Variants in NUMB observed in about 807,000 individuals in gnomAD.
NUMB encodes the protein NUMB endocytic adaptor protein.
A neutral mutation model predicts 59.7 loss-of-function variants in NUMB; 29 were observed. The ratio of observed to expected loss-of-function variants is 0.49; its 90% confidence interval spans 0.36 to 0.66. The LOEUF is 0.66. Ranked by LOEUF, NUMB falls within the 30% of genes least tolerant of loss-of-function variation. The pLI, the probability that NUMB is intolerant of heterozygous loss-of-function variation, is 0.00. For synonymous variants in NUMB, 288 were observed against 288.2 expected (o/e 1.00, Z 0.01); for missense variants, 723 against 822.0 (o/e 0.88, Z 1.47).
intron 2 of NUMB, among the ~76,000 whole-genome samples, chr14:73,406,021 T>C (rs1566783163): frequency 6.6e-6 from 1 of 151,968 alleles, no homozygotes; most frequent in Non-Finnish European, 1.5e-5. Flanking sequence ...ACTGAATTTA[T>C]ATGGAACCAC....
In NUMB at chr14:73,352,227, T is replaced by C. The variant is rs1321856210; in HGVS notation, c.126+3399A>G. 2.6e-5 allele frequency among the ~76,000 whole-genome samples: 4 copies of C among 151,288 alleles called. No individual in the cohort carries two copies. In the East Asian group the frequency reaches 5.8e-4, roughly 22 times the overall value. The stretch of plus-strand genomic sequence containing the variant: ...TTGTCACCCAGTGCCTACATATACA[T>C]GCTTTCCATAATTTTCTAATGCTCT... On this transcript the variant is annotated intron_variant, in intron 4 of 12. Transcript: ENST00000555238.
At chr14:73,451,956 G>A (rs1884007186) in intron 1 of NUMB, among the ~76,000 whole-genome samples, 2 of 152,084 alleles carry the variant, frequency 1.3e-5, no homozygotes, top group South Asian at 4.1e-4. Flanking sequence ...TTTGATCTTG[G>A]TTAAAAGAAC....
intron 4 of NUMB, among the ~76,000 whole-genome samples, chr14:73,342,203 C>A (rs993061516): frequency 2.0e-5 from 3 of 152,198 alleles, no homozygotes; most frequent in African/African-American, 7.2e-5. Flanking sequence ...GGCCCCATTT[C>A]TTTAAATTTG....
intron 4 of NUMB, among the ~76,000 whole-genome samples, chr14:73,345,322 A>C (rs1189974340): frequency 1.3e-5 from 2 of 152,146 alleles, no homozygotes; most frequent in African/African-American, 4.8e-5. Context: ...AAAGATGGGG[A>C]ACAACAGACT....
At chr14:73,358,496 T>C (rs1893931809) in intron 3 of NUMB, among the ~76,000 whole-genome samples, 1 of 151,970 alleles carries the variant, frequency 6.6e-6, no homozygotes, top group Non-Finnish European at 1.5e-5. Flanking sequence ...CTGTATATGT[T>C]CCTCCCTCTG....
chr14:73,277,419 T>TTTGA (rs1408551870), intron 12 of NUMB, 126 bp from the exon 13 acceptor site: 8 of 777,378 alleles, frequency 1.0e-5, no homozygotes, highest in African/African-American at 3.5e-5. Flanking sequence ...ATTTTGTGGT[T>TTTGA]TTGATAGGTA....
chr14:73,445,381 A>AAAAAAAAAAAAAAAAAAAAAAC (rs1206147366), intron 1 of NUMB, among the ~76,000 whole-genome samples: 2 of 129,790 alleles, frequency 1.5e-5, no homozygotes, highest in Non-Finnish European at 3.3e-5. Flanking sequence ...AAAAAAAAAA[A>AAAAAAAAAAAAAAAAAAAAAAC]AAAAAAAAAA....
At chr14:73,427,681 G>C (rs1202624457) in intron 1 of NUMB, among the ~76,000 whole-genome samples, 3 of 152,092 alleles carry the variant, frequency 2.0e-5, no homozygotes, top group African/African-American at 7.2e-5. Flanking sequence ...GACAACTAAA[G>C]CTGCTGTTAT....
At chr14:73,450,713 T>C (rs1172497285) in intron 1 of NUMB, among the ~76,000 whole-genome samples, 1 of 151,860 alleles carries the variant, frequency 6.6e-6, no homozygotes, top group Non-Finnish European at 1.5e-5. Context: ...CGCTTGAACC[T>C]GATAGGCGGA....
chr14:73,346,263 T>C (rs1594931115), intron 4 of NUMB, among the ~76,000 whole-genome samples: 1 of 152,248 alleles, frequency 6.6e-6, no homozygotes, highest in East Asian at 1.9e-4. Flanking sequence ...GCGGATCACC[T>C]GAGGTCGGGA....
intron 1 of NUMB, among the ~76,000 whole-genome samples, chr14:73,447,711 T>A (rs1883626808): frequency 6.6e-6 from 1 of 150,618 alleles, no homozygotes; most frequent in Non-Finnish European, 1.5e-5. Flanking sequence ...AAGAACAACA[T>A]TTGATGTAAC....
intron 2 of NUMB, among the ~76,000 whole-genome samples, chr14:73,367,571 C>G (rs1311257889): frequency 6.6e-6 from 1 of 151,442 alleles, no homozygotes; most frequent in African/African-American, 2.4e-5. Context: ...CCCAGGGGTT[C>G]AAGACCAAGC....
rs375897614 is a variant in NUMB at position 73,276,662 on chromosome 14, T to G, written c.1872A>C (p.Glu624Asp). 3 of 1,614,220 alleles carry G rather than the reference T, an allele frequency of 1.9e-6. No homozygotes were observed. The highest frequency in any genetic ancestry group is 2.5e-6 in the Non-Finnish European group (3 of 1,180,032). ...DPFEAQWAAL[E>D]NKSKQRTNPS... ...GATTAGTACGCTGCTTGGACTTATT[T>G]TCTAATGCAGCCCACTGGGCTTCAA... Residue 624 changes from glutamate (E) to aspartate (D), a missense_variant, in exon 13 of 13, where the codon GAA becomes GAC. Around this residue, in one of 2 missense-constraint regions of NUMB, gnomAD observed 406 missense variants for 385.4 expected, o/e 1.05. Transcript: ENST00000555238.
chr14:73,447,539 C>G (rs1883606000), intron 1 of NUMB, among the ~76,000 whole-genome samples: 1 of 150,852 alleles, frequency 6.6e-6, no homozygotes, highest in Non-Finnish European at 1.5e-5. Context: ...CAGAAAGATA[C>G]TAAGAAATGA....
intron 1 of NUMB, among the ~76,000 whole-genome samples, chr14:73,418,335 G>A (rs1897214151): frequency 6.6e-6 from 1 of 152,172 alleles, no homozygotes; most frequent in Admixed American, 6.6e-5. Flanking sequence ...GGAGAGGAGT[G>A]GGGTATAGGA....
At chr14:73,287,074 G>C (rs1283836215) in intron 9 of NUMB, 36 bp downstream of exon 9, 1 of 1,587,790 alleles carries the variant, frequency 6.3e-7, no homozygotes, top group Non-Finnish European at 8.6e-7. Flanking sequence ...GGGAAAAACT[G>C]CATTCCATAA....
chr14:73,390,981 C>A (rs987868107), intron 2 of NUMB, among the ~76,000 whole-genome samples: 8 of 151,750 alleles, frequency 5.3e-5, no homozygotes, highest in Non-Finnish European at 1.0e-4. Context: ...TTGATACTTA[C>A]AACAGGTTTT....
Position 73,276,934 on chromosome 14 carries a change from T to C in NUMB, c.1600A>G (p.Met534Val). The change falls in exon 13 of 13, where the codon ATG becomes GTG. Residue 534 changes from methionine (M) to valine (V), a missense_variant. Physicochemically the swap from Met to Val is conservative, Grantham distance 21. Around this residue, in one of 2 missense-constraint regions of NUMB, gnomAD observed 406 missense variants for 385.4 expected, o/e 1.05. Transcript: ENST00000555238. ...GCAGTGCCAAATACGTTGGCCACCA[T>C]CTGGGAGGGAGTGATGCCCACCACA... is the stretch of plus-strand genomic sequence containing the variant. ...VPVVGITPSQ[M>V]VANVFGTAGH... The C allele has an allele frequency of 6.2e-7, 1 of 1,614,130 alleles. No individual in the cohort carries two copies. The highest frequency in any genetic ancestry group is 8.5e-7 in the Non-Finnish European group (1 of 1,180,016).
intron 1 of NUMB, among the ~76,000 whole-genome samples, chr14:73,413,331 C>T (rs1206501119): frequency 2.6e-5 from 4 of 151,290 alleles, no homozygotes; most frequent in African/African-American, 4.8e-5. Flanking sequence ...GTGATCCACC[C>T]GCCTCGGCCT....
Sources: allele counts gnomAD v4.1 joint callset (sites outside exome capture counted in the v4.1 genomes callset), GRCh38; gene constraint gnomAD v4.1.1; regional missense constraint gnomAD v4.1.1; transcripts MANE v1.5; gene names NCBI Gene and HGNC (gene_info 2026-07-23, HGNC 2026-07-21).